GABRA5: variants seen among roughly 807,000 people sequenced by gnomAD.
GABRA5 encodes the protein gamma-aminobutyric acid receptor subunit alpha-5.
Under a neutral mutation model 47.3 loss-of-function variants are expected in GABRA5, and 18 were observed. That is an observed-to-expected ratio of 0.38 (90% CI 0.26 to 0.56). GABRA5 has a LOEUF of 0.56. GABRA5 is among the 20% of genes least tolerant of loss of function. The pLI is 0.71. For synonymous variants in GABRA5, 237 were observed against 229.3 expected, an observed-to-expected ratio of 1.03 and a Z score of -0.30; for missense variants, 365 against 599.3, an observed-to-expected ratio of 0.61 and a Z score of 4.08.
Position 26,867,328 on chromosome 15 carries a change from G to A in GABRA5, c.-140+217G>A, listed in dbSNP as rs904509450. 1 of 151,806 alleles carries A rather than the reference G, an allele frequency of 6.6e-6. No homozygotes were observed. The highest frequency in any genetic ancestry group is 6.6e-5 in the Admixed American group (1 of 15,260). The allele number at this position is 151,806 out of a possible 1,614,324, so 9.4% of individuals were successfully genotyped here. A position where few individuals can be genotyped will look rare whatever the true frequency, so the allele number is the denominator to read the frequency against. ...CCTGCCAGCCGGGCGAGAGCAGGCG[G>A]AGGAGAAGGAGGATGCATCCTCACC... On this transcript the variant is annotated intron_variant, in intron 1 of 10. Transcript: ENST00000335625. The surrounding 1 kb of genome is among the most constrained non-coding windows in gnomAD (Gnocchi z 5.9).
intron 7 of GABRA5, among the ~76,000 whole-genome samples, chr15:26,936,930 C>T (rs761938033): frequency 1.4e-4 from 21 of 152,172 alleles, no homozygotes; most frequent in East Asian, 9.6e-4. Flanking sequence ...CACCATCGTG[C>T]GCTCTGCAGA....
intron 7 of GABRA5, among the ~76,000 whole-genome samples, chr15:26,924,837 C>A (rs915951665): frequency 6.6e-6 from 1 of 152,008 alleles, no homozygotes; most frequent in Non-Finnish European, 1.5e-5. Context: ...TGTTTGTGCC[C>A]GTTGGTGTTT....
At chr15:26,869,484 T>G (rs1892409846) in intron 3 of GABRA5, 150 bp downstream of exon 3, 2 of 626,074 alleles carry the variant, frequency 3.2e-6, no homozygotes, top group Admixed American at 4.9e-5. Flanking sequence ...AATGAAGTCA[T>G]TGCCCTGACC....
chr15:26,904,345 A>G (rs568180788), intron 6 of GABRA5, among the ~76,000 whole-genome samples: 4 of 152,234 alleles, frequency 2.6e-5, no homozygotes, highest in South Asian at 2.1e-4. Context: ...TACCAGTACC[A>G]TGCTGTTTTG....
At chr15:26,919,954 A>T (rs894713030) in intron 7 of GABRA5, among the ~76,000 whole-genome samples, 1 of 132,386 alleles carries the variant, frequency 7.6e-6, no homozygotes, top group Non-Finnish European at 1.7e-5. Context: ...AAGATTTCTG[A>T]TAAAAAAAAA....
chr15:26,870,250 G>A (rs1035705521), intron 3 of GABRA5, among the ~76,000 whole-genome samples: 2 of 152,196 alleles, frequency 1.3e-5, no homozygotes, highest in East Asian at 3.8e-4. Context: ...CTTCCCATCT[G>A]GGGGGAAAGA....
At chr15:26,925,257 A>G (rs1893933370) in intron 7 of GABRA5, among the ~76,000 whole-genome samples, 1 of 151,644 alleles carries the variant, frequency 6.6e-6, no homozygotes, top group Non-Finnish European at 1.5e-5. Flanking sequence ...GGTTCTAATT[A>G]CATGTACTAC....
rs1446527543 is a variant in GABRA5 at position 26,870,516 on chromosome 15, A to G, written c.86+1182A>G. ...AGAAGCCAGGCAGTGTGTGCACTCT[A>G]ACCACACTGACGGGAACAGGTGTGT... On this transcript the variant is annotated intron_variant, in intron 3 of 10. Coordinates refer to ENST00000335625, the MANE Select transcript of GABRA5 (RefSeq NM_000810.4). 9.2e-5 allele frequency among the ~76,000 whole-genome samples: 14 copies of G among 152,226 alleles called. 1 individual carries two copies.
chr15:26,909,795 C>T (rs1318081004), intron 6 of GABRA5, among the ~76,000 whole-genome samples: 1 of 152,192 alleles, frequency 6.6e-6, no homozygotes, highest in African/African-American at 2.4e-5. Flanking sequence ...CTGCAAAGCC[C>T]TTTTGCTGAG....
chr15:26,877,938 C>A (rs978914430), intron 3 of GABRA5, among the ~76,000 whole-genome samples: 1 of 152,140 alleles, frequency 6.6e-6, no homozygotes, highest in Admixed American at 6.5e-5. Context: ...AAGAATGGAG[C>A]CTTTATTTGT....
chr15:26,946,043 G>A (rs949780036), intron 10 of GABRA5, among the ~76,000 whole-genome samples: 3 of 152,268 alleles, frequency 2.0e-5, no homozygotes, highest in Admixed American at 6.5e-5. Context: ...GGTGTGGCCC[G>A]CCTCCCTCAA....
intron 6 of GABRA5, among the ~76,000 whole-genome samples, chr15:26,911,378 C>CACACACACACACACACACAA (rs1566877352): frequency 4.6e-4 from 61 of 133,088 alleles, no homozygotes; most frequent in East Asian, 2.4e-3. Flanking sequence ...CATGCACACA[C>CACACACACACACACACACAA]ACACACACAC....
In GABRA5 at chr15:26,883,869, C is replaced by A. The variant is rs887919391; in HGVS notation, c.497+312C>A. ...AAATTATTATATTAAACTTAAACATCTAAGGAGGACCGGGCGTGGTGGCTC... is the reference window on the plus strand; with the variant it reads ...AAATTATTATATTAAACTTAAACATATAAGGAGGACCGGGCGTGGTGGCTC... On this transcript the variant is annotated intron_variant, in intron 6 of 10. Transcript: ENST00000335625. The surrounding 1 kb of genome is among the most constrained non-coding windows in gnomAD (Gnocchi z 4.8). Among the ~76,000 whole-genome samples, 1 of 152,088 alleles carries A rather than the reference C, an allele frequency of 6.6e-6. No homozygotes were observed. The highest frequency in any genetic ancestry group is 2.4e-5 in the African/African-American group (1 of 41,414).
chr15:26,911,340 T>G (rs886356538), intron 6 of GABRA5, among the ~76,000 whole-genome samples: 1 of 149,374 alleles, frequency 6.7e-6, no homozygotes, highest in African/African-American at 2.5e-5. Context: ...CCTGTGTTTG[T>G]GTACCCTCCC....
intron 7 of GABRA5, among the ~76,000 whole-genome samples, chr15:26,919,721 GT>G (rs1893798987): frequency 6.6e-6 from 1 of 151,998 alleles, no homozygotes. Context: ...TTCCCAACAA[GT>G]TTTATACTTT....
chr15:26,874,327 T>TAA (rs369905022), intron 3 of GABRA5, among the ~76,000 whole-genome samples: 45 of 151,636 alleles, frequency 3.0e-4, no homozygotes, highest in East Asian at 2.1e-3. Context: ...ATTTTTTTTT[T>TAA]AAATGCACTG....
At chr15:26,906,322 C>T (rs1893443303) in intron 6 of GABRA5, among the ~76,000 whole-genome samples, 1 of 152,184 alleles carries the variant, frequency 6.6e-6, no homozygotes, top group Non-Finnish European at 1.5e-5. Context: ...ATAAAAGCCT[C>T]TCTCAGTCTT....
At position 26,936,683 on chromosome 15, in the gene GABRA5, G is replaced by A. The variant is rs112828670; in HGVS notation, c.581-502G>A. Among the ~76,000 whole-genome samples, 905 of 152,336 alleles carry A rather than the reference G, an allele frequency of 5.9e-3. 11 individuals are homozygous for A. Among genetic ancestry groups the A allele is most frequent in the African/African-American group, 0.021 (877 of 41,574 alleles). On this transcript the variant is annotated intron_variant, in intron 7 of 10. Transcript: ENST00000335625. The stretch of plus-strand genomic sequence containing the variant: ...AGGATGGCGTGGACAGCAGGTGCCT[G>A]TTGCAGAGTGGAAGGCTTGGAGTAG...
In GABRA5 at chr15:26,883,285, C is replaced by T. The variant is rs1892783313; in HGVS notation, c.276+52C>T. 1.2e-6 allele frequency: 2 copies of T among 1,610,744 alleles called. No homozygotes were observed. The highest frequency in any genetic ancestry group is 2.2e-5 in the South Asian group (2 of 91,032). On this transcript the variant is annotated intron_variant, in intron 5 of 10. Coordinates refer to ENST00000335625, the MANE Select transcript of GABRA5 (RefSeq NM_000810.4). This position sits in a 1 kb window ranked among gnomAD's most constrained non-coding sequence, Gnocchi z 4.8. Reference sequence around the variant, plus strand: ...ACAATTCTTACTCCGCGCCGCAGGCCCCCGCCCAGGCCCCGTGCCCTCTGA... The same window carrying T: ...ACAATTCTTACTCCGCGCCGCAGGCTCCCGCCCAGGCCCCGTGCCCTCTGA...
Sources: gnomAD v4.1 joint callset for allele counts (sites outside exome capture counted in the v4.1 genomes callset) on GRCh38, gnomAD v4.1.1 for gene constraint, Gnocchi (gnomAD v3.1) non-coding constraint, MANE v1.5 for transcripts, NCBI Gene and HGNC (gene_info 2026-07-23, HGNC 2026-07-21) for gene names.